NRG3: variants seen among roughly 807,000 people sequenced by gnomAD.
NRG3 encodes the protein neuregulin 3, also known as pro-neuregulin-3, membrane-bound isoform.
In NRG3, 31 loss-of-function variants were observed where a neutral mutation model predicts 66.9. The ratio of observed to expected loss-of-function variants is 0.46; its 90% CI spans 0.35 to 0.63. The LOEUF (loss-of-function observed/expected upper bound fraction) is 0.63, where lower values mean the gene tolerates loss of function less well. Among genes scored for constraint, NRG3 ranks in the 20% least tolerant of loss-of-function variants. NRG3 has a pLI of 0.00. For missense variants in NRG3, 910 were observed against 878.9 expected (o/e 1.04, Z -0.45); for synonymous variants, 393 against 359.4 (o/e 1.09, Z -1.06).
chr10:82,077,163 A>G lies in NRG3; in HGVS notation c.823+201000A>G, dbSNP rs922375563. ...GAGCCAGCATGAACACACATCAGCCATTTTTCACTTCTGTAATAATATTAA... is the reference window on the plus strand; with the variant it reads ...GAGCCAGCATGAACACACATCAGCCGTTTTTCACTTCTGTAATAATATTAA... On this transcript the variant is annotated intron_variant, in intron 1 of 8. Transcript: ENST00000372141. 2.0e-5 allele frequency among the ~76,000 whole-genome samples: 3 copies of G among 152,300 alleles called. No individual in the cohort carries two copies. The East Asian group carries it at 5.8e-4, about 29-fold the overall frequency.
chr10:81,978,879 C>G (rs1019079648), intron 1 of NRG3, among the ~76,000 whole-genome samples: 9 of 151,994 alleles, frequency 5.9e-5, no homozygotes, highest in Non-Finnish European at 1.5e-5. Context: ...TTTGTAGCAT[C>G]TAGCCATAAT....
At chr10:82,820,599 A>G (rs368872768) in intron 3 of NRG3, among the ~76,000 whole-genome samples, 6 of 152,218 alleles carry the variant, frequency 3.9e-5, no homozygotes, top group African/African-American at 1.4e-4. Context: ...AATTGAAACT[A>G]CTTTTCCATT....
rs373738730 is a variant in NRG3 at position 82,000,061 on chromosome 10, G to A, written c.823+123898G>A. Among the ~76,000 whole-genome samples, 37 of 152,328 alleles carry A rather than the reference G, an allele frequency of 2.4e-4. No individual in the cohort carries two copies. The East Asian group carries it at 5.8e-3, about 24-fold the overall frequency. On this transcript the variant is annotated intron_variant, in intron 1 of 8. Coordinates refer to ENST00000372141, the MANE Select transcript of NRG3 (RefSeq NM_001010848.4). ...TATCAGTTTGAAAATTGGTAAGGAAGATGCTGGATAATAAAATGTAGATAT... is the reference window on the plus strand; with the variant it reads ...TATCAGTTTGAAAATTGGTAAGGAAAATGCTGGATAATAAAATGTAGATAT...
At chr10:81,896,452 C>G (rs1843537408) in intron 1 of NRG3, among the ~76,000 whole-genome samples, 1 of 152,154 alleles carries the variant, frequency 6.6e-6, no homozygotes, top group Admixed American at 6.6e-5. Context: ...TGAAGCATTT[C>G]TCCCAAAGTG....
At chr10:82,660,728 T>G (rs1049715588) in intron 2 of NRG3, among the ~76,000 whole-genome samples, 3 of 152,212 alleles carry the variant, frequency 2.0e-5, no homozygotes, top group Non-Finnish European at 4.4e-5. Context: ...TGTTTGAGTT[T>G]CATGTAGAGT....
intron 3 of NRG3, among the ~76,000 whole-genome samples, chr10:82,802,579 A>C (rs922323354): frequency 6.6e-6 from 1 of 152,222 alleles, no homozygotes; most frequent in Admixed American, 6.5e-5. Flanking sequence ...TTGTGTCTAC[A>C]TAAAATATCA....
intron 2 of NRG3, among the ~76,000 whole-genome samples, chr10:82,708,165 T>C (rs1438860543): frequency 2.0e-5 from 3 of 152,222 alleles, no homozygotes; most frequent in African/African-American, 7.2e-5. Context: ...CTGCTATTTT[T>C]TCCGTTTATT....
rs987704859 is a variant in NRG3, at chr10:82,344,886, C to T, written c.824-13853C>T. 2.5e-4 allele frequency among the ~76,000 whole-genome samples: 30 copies of T among 118,482 alleles called. 2 individuals carry two copies. Among genetic ancestry groups the T allele is most frequent in the Non-Finnish European group, 9.3e-5 (6 of 64,620 alleles). The allele number at this position is 118,482 out of a possible 152,430, so 77.7% of individuals were successfully genotyped here. A position where few individuals can be genotyped will look rare whatever the true frequency, so the allele number is the denominator to read the frequency against. ...CTTTTGAGAAGTGTCCGTTCATGTC[C>T]TTCGCCCACTTTTTGATGGGGTTGT... On this transcript the variant is annotated intron_variant, in intron 1 of 8. Transcript: ENST00000372141.
chr10:82,047,295 T>A (rs1022526943), intron 1 of NRG3, among the ~76,000 whole-genome samples: 4 of 151,928 alleles, frequency 2.6e-5, no homozygotes, highest in African/African-American at 9.7e-5. Context: ...AGACACATGA[T>A]TGTCAGATTC....
intron 1 of NRG3, among the ~76,000 whole-genome samples, chr10:82,018,111 G>A (rs367999186): frequency 1.3e-4 from 20 of 152,144 alleles, no homozygotes; most frequent in African/African-American, 3.6e-4. Flanking sequence ...TAATTTTTGT[G>A]TAAGGTGTAA....
Position 82,841,822 on chromosome 10 carries a change from A to C in NRG3, c.1028-23589A>C, listed in dbSNP as rs576268882. 1.4e-4 allele frequency among the ~76,000 whole-genome samples: 22 copies of C among 152,324 alleles called. 1 individual carries two copies. In the South Asian group the frequency reaches 2.7e-3, roughly 19 times the overall value. ...GTTGACATATAAAGGTAAGCATCAC[A>C]TATGAAAAAGTAAATCAACATTTTT... On this transcript the variant is annotated intron_variant, in intron 3 of 8. Coordinates refer to ENST00000372141, the MANE Select transcript of NRG3 (RefSeq NM_001010848.4).
intron 1 of NRG3, among the ~76,000 whole-genome samples, chr10:81,909,422 A>T (rs1190183723): frequency 6.6e-6 from 1 of 152,058 alleles, no homozygotes; most frequent in Admixed American, 6.6e-5. Flanking sequence ...TGGAGATGGG[A>T]TGGTGGTATT....
At chr10:82,301,680 A>T (rs1376807193) in intron 1 of NRG3, among the ~76,000 whole-genome samples, 1 of 127,684 alleles carries the variant, frequency 7.8e-6, no homozygotes, top group Admixed American at 7.9e-5. Context: ...GTATACACAT[A>T]TATTCCTATA....
chr10:82,985,827 C>T lies in NRG3; in HGVS notation c.*222C>T. The T allele has an allele frequency of 3.8e-6, 2 of 526,554 alleles. No homozygotes were observed. Among genetic ancestry groups the T allele is most frequent in the East Asian group, 3.6e-5 (1 of 27,610 alleles). 32.6% of individuals were successfully genotyped at this position (526,554 alleles called of 1,614,324 possible). On this transcript the variant is annotated 3_prime_UTR_variant, in exon 9 of 9. Transcript: ENST00000372141. The stretch of plus-strand genomic sequence containing the variant: ...ACCATTAAAGCTTTTGGGTAGAATT[C>T]TGAATCCAATTTCGTTTAGTCCCAA...
At chr10:82,438,575 C>T (rs1435960797) in intron 2 of NRG3, among the ~76,000 whole-genome samples, 5 of 152,208 alleles carry the variant, frequency 3.3e-5, no homozygotes, top group Non-Finnish European at 7.3e-5. Context: ...CCCCTCACCC[C>T]AGGAAGTCAT....
intron 1 of NRG3, among the ~76,000 whole-genome samples, chr10:82,119,504 A>G (rs1043633193): frequency 3.9e-5 from 6 of 152,212 alleles, no homozygotes; most frequent in African/African-American, 1.4e-4. Context: ...TGAAAAATAT[A>G]AATAAGTTAC....
intron 1 of NRG3, among the ~76,000 whole-genome samples, chr10:82,272,140 G>C (rs2078627861): frequency 6.6e-6 from 1 of 151,984 alleles, no homozygotes; most frequent in South Asian, 2.1e-4. Context: ...ACCATGGTAG[G>C]GTTTGGGTAA....
chr10:82,625,166 A>G (rs1398007794), intron 2 of NRG3, among the ~76,000 whole-genome samples: 1 of 151,960 alleles, frequency 6.6e-6, no homozygotes, highest in Non-Finnish European at 1.5e-5. Flanking sequence ...ATAGCCACTT[A>G]AGGATAAGGA....
chr10:82,090,061 G>A (rs905698315), intron 1 of NRG3, among the ~76,000 whole-genome samples: 1 of 152,164 alleles, frequency 6.6e-6, no homozygotes. Flanking sequence ...TAATATATAA[G>A]TGGGTTTCTC....
Sources: gnomAD v4.1 joint callset for allele counts (sites outside exome capture counted in the v4.1 genomes callset) on GRCh38, gnomAD v4.1.1 for gene constraint, MANE v1.5 for transcripts, NCBI Gene and HGNC (gene_info 2026-07-23, HGNC 2026-07-21) for gene names.